The following PRKCE variants were observed in gnomAD, a reference collection of about 807,000 sequenced individuals.
The protein encoded by PRKCE is protein kinase C epsilon type.
PRKCE carries 16 observed loss-of-function variants against 85.4 expected under a neutral mutation model. The ratio of observed to expected loss-of-function variants is 0.19; its 90% CI spans 0.13 to 0.28. PRKCE has a LOEUF of 0.28. PRKCE is among the 10% of genes least tolerant of loss of function. The pLI, the probability that PRKCE is intolerant of heterozygous loss-of-function variation, is 1.00. For missense variants in PRKCE, 573 were observed against 975.2 expected, an observed-to-expected ratio of 0.59 and a Z score of 5.49; for synonymous variants, 388 against 371.5, an observed-to-expected ratio of 1.04 and a Z score of -0.51.
chr2:46,089,483 G>T (rs766209906), intron 11 of PRKCE, among the ~76,000 whole-genome samples: 1 of 152,116 alleles, frequency 6.6e-6, no homozygotes, highest in Non-Finnish European at 1.5e-5. Context: ...CTCAATGGCT[G>T]CCCACAATTC....
At chr2:45,888,465 C>CTTTTTTTTTTTTT (rs34871432) in intron 2 of PRKCE, among the ~76,000 whole-genome samples, 1 of 74,752 alleles carries the variant, frequency 1.3e-5, no homozygotes. Context: ...TCCCAACAGT[C>CTTTTTTTTTTTTT]TTTTTTTTTT....
intron 2 of PRKCE, among the ~76,000 whole-genome samples, chr2:45,894,105 G>A (rs899615220): frequency 5.3e-5 from 8 of 152,120 alleles, no homozygotes; most frequent in South Asian, 4.1e-4. Flanking sequence ...ACACATTGTC[G>A]CACAGGGTTG....
chr2:46,025,310 C>T (rs931867911), intron 10 of PRKCE, among the ~76,000 whole-genome samples: 1 of 152,164 alleles, frequency 6.6e-6, no homozygotes, highest in African/African-American at 2.4e-5. Context: ...AACACACACC[C>T]CCAGCCAGGG....
At chr2:46,133,766 ATGTC>A (rs1301377152) in intron 11 of PRKCE, among the ~76,000 whole-genome samples, 1 of 152,208 alleles carries the variant, frequency 6.6e-6, no homozygotes, top group Non-Finnish European at 1.5e-5. Context: ...CGAAGGCACC[ATGTC>A]TGTTCTCCTG....
chr2:45,829,966 G>A (rs544143300), intron 1 of PRKCE, among the ~76,000 whole-genome samples: 2 of 151,004 alleles, frequency 1.3e-5, no homozygotes, highest in South Asian at 2.1e-4. Context: ...CCAGCTACTC[G>A]GGAGGCTGAG....
intron 12 of PRKCE, among the ~76,000 whole-genome samples, chr2:46,150,315 C>G (rs909573320): frequency 6.6e-6 from 1 of 152,192 alleles, no homozygotes; most frequent in African/African-American, 2.4e-5. Flanking sequence ...TGGTTCGATT[C>G]TGGCTATTGC....
chr2:45,983,791 G>T (rs1349013635), intron 5 of PRKCE, among the ~76,000 whole-genome samples: 1 of 152,064 alleles, frequency 6.6e-6, no homozygotes, highest in Non-Finnish European at 1.5e-5. Flanking sequence ...CCTCCTAATT[G>T]TTGTCCGTTC....
intron 1 of PRKCE, among the ~76,000 whole-genome samples, chr2:45,671,343 C>G (rs981129595): frequency 8.5e-5 from 13 of 152,190 alleles, no homozygotes; most frequent in African/African-American, 2.9e-4. Context: ...ACCTGGATGT[C>G]TTGCTTTTTA....
At chr2:45,714,335 A>G (rs1679914115) in intron 1 of PRKCE, among the ~76,000 whole-genome samples, 1 of 152,236 alleles carries the variant, frequency 6.6e-6, no homozygotes, top group Non-Finnish European at 1.5e-5. Flanking sequence ...TCCTACAAAG[A>G]TGCAATAAAC....
rs1468249852 is a variant in PRKCE, at chr2:45,705,145, C to G, written c.348+52697C>G. 3.9e-5 allele frequency among the ~76,000 whole-genome samples: 6 copies of G among 152,226 alleles called. No individual in the cohort carries two copies. The South Asian group carries it at 1.2e-3, about 32-fold the overall frequency. ...TCACTTTCAATTCCTTATTCAGTAT[C>G]ACTTTTGTGGGCATGTCTTTTACCA... On this transcript the variant is annotated intron_variant, in intron 1 of 14. Coordinates refer to ENST00000306156, the MANE Select transcript of PRKCE (RefSeq NM_005400.3).
At chr2:46,034,166 G>T (rs1415236248) in intron 10 of PRKCE, among the ~76,000 whole-genome samples, 2 of 152,222 alleles carry the variant, frequency 1.3e-5, no homozygotes, top group Non-Finnish European at 2.9e-5. Context: ...ACTGCGGTCT[G>T]TGAGAGTCCA....
intron 10 of PRKCE, among the ~76,000 whole-genome samples, chr2:46,083,859 A>G (rs1054948839): frequency 2.6e-5 from 4 of 152,214 alleles, no homozygotes; most frequent in African/African-American, 9.6e-5. Context: ...GACCAGAATA[A>G]TGTATAATCC....
At chr2:45,751,974 C>G (rs1031060018) in intron 1 of PRKCE, among the ~76,000 whole-genome samples, 1 of 149,278 alleles carries the variant, frequency 6.7e-6, no homozygotes, top group Non-Finnish European at 1.5e-5. Flanking sequence ...CCCGCCACTA[C>G]GCCCGGCTAA....
rs72874359 is a variant in PRKCE, at chr2:45,964,659, A to G, written c.413-11770A>G. On this transcript the variant is annotated intron_variant, in intron 2 of 14. Coordinates refer to ENST00000306156, the MANE Select transcript of PRKCE (RefSeq NM_005400.3). ...ATGAATGAATGAATGAATATAGACT[A>G]GAGGCTAGCAGGCTTCCTGCTTAAG... 8.7e-3 allele frequency among the ~76,000 whole-genome samples: 1,321 copies of G among 152,356 alleles called. 18 individuals are homozygous for G. Among genetic ancestry groups the G allele is most frequent in the African/African-American group, 0.03 (1,255 of 41,570 alleles).
intron 1 of PRKCE, among the ~76,000 whole-genome samples, chr2:45,770,511 C>T (rs1461863156): frequency 6.6e-6 from 1 of 152,160 alleles, no homozygotes; most frequent in Non-Finnish European, 1.5e-5. Context: ...TTACTGTTTC[C>T]ACAGAAGTCT....
chr2:46,145,120 G>A lies in PRKCE; in HGVS notation c.1620G>A (p.Leu540=). The part of the protein sequence containing the change: ...YRDLKLDNIL[L]DAEGHCKLAD... Reference sequence around the variant, plus strand: ...ATTTGAAACTGGACAACATCCTTCTGGATGCAGAAGGTCACTGCAAGCTGG... The same window carrying A: ...ATTTGAAACTGGACAACATCCTTCTAGATGCAGAAGGTCACTGCAAGCTGG... The change falls in exon 12 of 15, where the codon CTG becomes CTA. Residue 540 remains leucine, a synonymous_variant. Transcript: ENST00000306156. This position sits in a 1 kb window ranked among gnomAD's most constrained non-coding sequence, Gnocchi z 4.6. 1 of 1,599,740 alleles carries A rather than the reference G, an allele frequency of 6.3e-7. No homozygotes were observed. Among genetic ancestry groups the A allele is most frequent in the Non-Finnish European group, 8.5e-7 (1 of 1,179,944 alleles).
intron 2 of PRKCE, among the ~76,000 whole-genome samples, chr2:45,931,919 A>C (rs1573925200): frequency 6.6e-6 from 1 of 152,128 alleles, no homozygotes; most frequent in East Asian, 1.9e-4. Context: ...GAGACTGGCC[A>C]GGCCAGTCTC....
At chr2:46,163,965 G>A (rs531612339) in intron 14 of PRKCE, among the ~76,000 whole-genome samples, 7 of 150,258 alleles carry the variant, frequency 4.7e-5, no homozygotes, top group Admixed American at 2.0e-4. Flanking sequence ...TGAGAGACAC[G>A]GGGAAGCTGA....
chr2:46,044,953 G>A (rs527696272), intron 10 of PRKCE, among the ~76,000 whole-genome samples: 12 of 152,254 alleles, frequency 7.9e-5, no homozygotes, highest in African/African-American at 2.6e-4. Context: ...TATATACTTC[G>A]TTATGTATAG....
Sources: allele counts gnomAD v4.1 joint callset (sites outside exome capture counted in the v4.1 genomes callset), GRCh38; gene constraint gnomAD v4.1.1; non-coding constraint Gnocchi (gnomAD v3.1); transcripts MANE v1.5; gene names NCBI Gene and HGNC (gene_info 2026-07-23, HGNC 2026-07-21).